The following CALN1 variants were observed in gnomAD, a reference collection of about 807,000 sequenced individuals.
The protein encoded by CALN1 is calcium-binding protein 8.
A neutral mutation model predicts 30.6 loss-of-function variants in CALN1; 17 were observed. That is an observed-to-expected ratio of 0.56 (90% confidence interval 0.38 to 0.83). The LOEUF is 0.83. CALN1 is among the 40% of genes least tolerant of loss of function. The probability of loss-of-function intolerance (pLI) is 0.00; values close to 1 mark genes in which losing one functional copy is unlikely to be tolerated. For missense variants in CALN1, 291 were observed against 354.9 expected, an observed-to-expected ratio of 0.82 and a Z score of 1.45; for synonymous variants, 156 against 131.4, an observed-to-expected ratio of 1.19 and a Z score of -1.28.
intron 1 of CALN1, among the ~76,000 whole-genome samples, chr7:72,419,822 G>A (rs1196165592): frequency 6.6e-6 from 1 of 152,174 alleles, no homozygotes; most frequent in Non-Finnish European, 1.5e-5. Context: ...AACTTCAGAT[G>A]TGTGGTTTTG....
intron 5 of CALN1, among the ~76,000 whole-genome samples, chr7:71,963,083 G>C (rs966982070): frequency 2.0e-5 from 3 of 152,102 alleles, no homozygotes; most frequent in African/African-American, 7.2e-5. Context: ...AGGTAAACCT[G>C]GAAAGTTTAC....
chr7:72,373,128 A>G (rs1247758792), intron 2 of CALN1, among the ~76,000 whole-genome samples: 1 of 152,208 alleles, frequency 6.6e-6, no homozygotes, highest in African/African-American at 2.4e-5. Context: ...AAACACACTT[A>G]ACCAGCTTTG....
At chr7:72,268,804 C>A (rs73129540) in intron 3 of CALN1, among the ~76,000 whole-genome samples, 36 of 70,346 alleles carry the variant, frequency 5.1e-4, no homozygotes, top group African/African-American at 1.1e-3. Context: ...CACACACACA[C>A]ACACACACAC....
intron 2 of CALN1, among the ~76,000 whole-genome samples, chr7:72,283,107 T>G (rs1262029445): frequency 6.6e-6 from 1 of 151,974 alleles, no homozygotes; most frequent in African/African-American, 2.4e-5. Context: ...AGTGTTAGAT[T>G]TGAATCCTAC....
At chr7:72,473,432 C>T in the CALN1 span, among the ~76,000 whole-genome samples, 1 of 152,146 alleles carries the variant, frequency 6.6e-6, no homozygotes, top group Admixed American at 6.5e-5. Context: ...GAAAAAATCG[C>T]TCCAGTCTTT....
At chr7:72,424,411 C>A (rs1807731277) in intron 1 of CALN1, among the ~76,000 whole-genome samples, 1 of 152,056 alleles carries the variant, frequency 6.6e-6, no homozygotes. Flanking sequence ...GAACTGGGGA[C>A]TAAAATGTGT....
At chr7:72,283,244 G>T (rs1797855384) in intron 2 of CALN1, among the ~76,000 whole-genome samples, 1 of 152,058 alleles carries the variant, frequency 6.6e-6, no homozygotes, top group African/African-American at 2.4e-5. Context: ...AAGATAAACG[G>T]CCAGGCATGG....
intron 2 of CALN1, among the ~76,000 whole-genome samples, chr7:72,330,324 T>A (rs966625259): frequency 5.9e-5 from 9 of 151,636 alleles, no homozygotes; most frequent in African/African-American, 2.2e-4. Flanking sequence ...AAAAATTAGC[T>A]GGGTGTGGTG....
At chr7:72,207,802 TTC>T (rs1377297435) in intron 3 of CALN1, among the ~76,000 whole-genome samples, 1 of 152,210 alleles carries the variant, frequency 6.6e-6, no homozygotes, top group Non-Finnish European at 1.5e-5. Context: ...ACTTTTATTT[TTC>T]TCTTATTATT....
chr7:71,984,277 C>G (rs977648115), intron 5 of CALN1, among the ~76,000 whole-genome samples: 2 of 152,124 alleles, frequency 1.3e-5, no homozygotes, highest in Admixed American at 6.6e-5. Context: ...ATGAGAAGGC[C>G]AAGAAAGTAG....
chr7:71,866,106 T>C (rs903878243), intron 5 of CALN1, among the ~76,000 whole-genome samples: 9 of 151,846 alleles, frequency 5.9e-5, no homozygotes, highest in Non-Finnish European at 1.3e-4. Context: ...CCCGGGTTCA[T>C]GCCATTCTCC....
intron 5 of CALN1, among the ~76,000 whole-genome samples, chr7:71,978,619 C>T (rs1181536522): frequency 6.6e-6 from 1 of 152,164 alleles, no homozygotes; most frequent in Non-Finnish European, 1.5e-5. Context: ...GGGGCAGCGC[C>T]AGCTGTGGCT....
chr7:71,805,853 G>A (rs750324706), intron 6 of CALN1, among the ~76,000 whole-genome samples: 3 of 152,224 alleles, frequency 2.0e-5, no homozygotes, highest in Non-Finnish European at 2.9e-5. Flanking sequence ...ACCATTTTCT[G>A]ATAGACTGGA....
At chr7:72,008,020 G>A (rs1304972134) in intron 5 of CALN1, among the ~76,000 whole-genome samples, 1 of 152,162 alleles carries the variant, frequency 6.6e-6, no homozygotes, top group East Asian at 1.9e-4. Context: ...CCAGTGAGTA[G>A]ATAAAAAATA....
At chr7:72,299,406 G>C (rs1799092084) in intron 2 of CALN1, among the ~76,000 whole-genome samples, 1 of 151,876 alleles carries the variant, frequency 6.6e-6, no homozygotes, top group Non-Finnish European at 1.5e-5. Flanking sequence ...AAATAAAAAT[G>C]AAAAGCCTAG....
intron 4 of CALN1, among the ~76,000 whole-genome samples, chr7:72,079,026 T>A (rs7796985): frequency 0.23 from 34,547 of 152,148 alleles, 4,870 homozygotes; most frequent in East Asian, 0.69. Flanking sequence ...TGTTGAGCAC[T>A]TGCTTTACTC....
intron 4 of CALN1, among the ~76,000 whole-genome samples, chr7:72,050,219 T>C (rs1026661970): frequency 6.6e-6 from 1 of 152,178 alleles, no homozygotes; most frequent in Admixed American, 6.6e-5. Flanking sequence ...GTAATAAAAT[T>C]CAGTTTTGAA....
At chr7:72,069,156 C>G (rs1037282135) in intron 4 of CALN1, among the ~76,000 whole-genome samples, 2 of 152,134 alleles carry the variant, frequency 1.3e-5, no homozygotes, top group Non-Finnish European at 2.9e-5. Flanking sequence ...GACGTCCGTG[C>G]GGAATCGCAG....
intron 3 of CALN1, among the ~76,000 whole-genome samples, chr7:72,132,531 G>C (rs1809225106): frequency 6.6e-6 from 1 of 151,998 alleles, no homozygotes; most frequent in African/African-American, 2.4e-5. Context: ...CTGACATATA[G>C]GTTGCTTAAA....
Sources: gnomAD v4.1 joint callset for allele counts (sites outside exome capture counted in the v4.1 genomes callset) on GRCh38, gnomAD v4.1.1 for gene constraint, MANE v1.5 for transcripts, NCBI Gene and HGNC (gene_info 2026-07-23, HGNC 2026-07-21) for gene names.